Variants in RYR2 observed in about 807,000 individuals in gnomAD.
RYR2 encodes the protein cardiac muscle ryanodine receptor-calcium release channel.
A neutral mutation model predicts 601.1 loss-of-function variants in RYR2; 227 were observed. The observed-to-expected ratio is 0.38, with a 90% CI of 0.34 to 0.42. RYR2 has a LOEUF of 0.42. RYR2 is among the 10% of genes least tolerant of loss of function. RYR2 has a pLI of 1.00. For missense variants in RYR2, 4,646 were observed against 6,156.5 expected (o/e 0.75, Z 8.21); for synonymous variants, 2,223 against 2,175.1 (o/e 1.02, Z -0.61).
At chr1:237,812,163 G>A (rs1488781644) in intron 100 of RYR2, among the ~76,000 whole-genome samples, 1 of 152,096 alleles carries the variant, frequency 6.6e-6, no homozygotes, top group Non-Finnish European at 1.5e-5. Context: ...AAGAGTTTGA[G>A]TAACTTGTCA....
At chr1:237,685,882 T>A (rs962971648) in intron 62 of RYR2, among the ~76,000 whole-genome samples, 1 of 152,100 alleles carries the variant, frequency 6.6e-6, no homozygotes, top group African/African-American at 2.4e-5. Context: ...AACCTCAGAT[T>A]CACTCAGACA....
intron 1 of RYR2, among the ~76,000 whole-genome samples, chr1:237,244,951 T>C (rs1686647614): frequency 6.6e-6 from 1 of 152,212 alleles, no homozygotes; most frequent in Non-Finnish European, 1.5e-5. Context: ...TCACTCACTG[T>C]TTTTATGCTT....
chr1:237,326,782 A>G (rs1160679059), intron 2 of RYR2, among the ~76,000 whole-genome samples: 1 of 151,978 alleles, frequency 6.6e-6, no homozygotes, highest in Non-Finnish European at 1.5e-5. Context: ...GGGAGCCTCT[A>G]CTCCCCATGT....
At chr1:237,229,096 C>T (rs1214476630) in intron 1 of RYR2, among the ~76,000 whole-genome samples, 1 of 151,010 alleles carries the variant, frequency 6.6e-6, no homozygotes, top group Non-Finnish European at 1.5e-5. Flanking sequence ...GGAGAGACTG[C>T]AGACCTAGCC....
Position 237,330,934 on chromosome 1 carries a change from C to T in RYR2, c.225C>T (p.Val75=). The change falls in exon 3 of 105, where the codon GTC becomes GTT. Residue 75 remains valine (V), a synonymous_variant. Transcript: ENST00000366574. The part of the protein sequence containing the change: ...CTFVLEQSLS[V]RALQEMLANT... ...TTGTGCTGGAGCAGTCCCTCTCTGT[C>T]CGGGCGCTGCAGGAGATGCTGGCTA... The T allele has an allele frequency of 1.9e-6, 3 of 1,614,036 alleles. No homozygotes were observed. The South Asian group carries it at 3.3e-5, about 18-fold the overall frequency.
intron 76 of RYR2, among the ~76,000 whole-genome samples, chr1:237,728,807 G>A (rs1004401904): frequency 2.0e-5 from 3 of 151,920 alleles, no homozygotes. Context: ...ATGGGAGGGA[G>A]AGTATTAAGA....
chr1:237,696,502 G>GTA (rs1687449206), intron 63 of RYR2, among the ~76,000 whole-genome samples: 1 of 148,086 alleles, frequency 6.8e-6, no homozygotes, highest in Admixed American at 6.8e-5. Context: ...ATGCCCAAGT[G>GTA]TATAGCTCTG....
chr1:237,819,025 C>A lies in RYR2; in HGVS notation c.14434-11C>A. 1 of 1,602,080 alleles carries A rather than the reference C, an allele frequency of 6.2e-7. No homozygotes were observed. The highest frequency in any genetic ancestry group is 1.7e-5 in the Admixed American group (1 of 59,528). ...GTCCCTCCAAGAAGTGATACCATGTCTTTTTTCCAGTGCTATATGTTCCAC... is the reference window on the plus strand; with the variant it reads ...GTCCCTCCAAGAAGTGATACCATGTATTTTTTCCAGTGCTATATGTTCCAC... On this transcript the variant is annotated splice_polypyrimidine_tract_variant and intron_variant, in intron 100 of 104. Coordinates refer to ENST00000366574, the MANE Select transcript of RYR2 (RefSeq NM_001035.3). The surrounding 1 kb of genome is among the most constrained non-coding windows in gnomAD (Gnocchi z 4.0).
intron 16 of RYR2, among the ~76,000 whole-genome samples, chr1:237,458,815 T>G (rs1558854492): frequency 6.6e-6 from 1 of 152,178 alleles, no homozygotes; most frequent in Non-Finnish European, 1.5e-5. Flanking sequence ...CTTTACAATC[T>G]AATTAAATGT....
At chr1:237,702,494 A>G (rs57887440) in intron 66 of RYR2, among the ~76,000 whole-genome samples, 6,397 of 152,244 alleles carry the variant, frequency 0.042, 435 homozygotes, top group African/African-American at 0.14. Flanking sequence ...AGGTATCCCC[A>G]GTAAATTTAA....
At position 237,402,363 on chromosome 1, in the gene RYR2, G is replaced by C. The variant is rs181882951; in HGVS notation, c.773+14180G>C. Among the ~76,000 whole-genome samples the C allele has an allele frequency of 1.0e-3, 158 of 151,126 alleles. 1 individual carries two copies. Among genetic ancestry groups the C allele is most frequent in the African/African-American group, 3.6e-3 (149 of 41,164 alleles). On this transcript the variant is annotated intron_variant, in intron 10 of 104. Coordinates refer to ENST00000366574, the MANE Select transcript of RYR2 (RefSeq NM_001035.3). ...GATTGTGTCACTGCACTCCAGTCTG[G>C]GTGGCAGAGCAAGACCCTATCTCTT...
chr1:237,299,127 C>CTTTTT (rs3086046), intron 2 of RYR2, among the ~76,000 whole-genome samples: 4,117 of 145,390 alleles, frequency 0.028, 78 homozygotes, highest in African/African-American at 0.037. Flanking sequence ...TTCCTAGAGT[C>CTTTTT]TTTTTTTTTT....
chr1:237,657,555 T>C (rs943672598), intron 53 of RYR2, among the ~76,000 whole-genome samples: 7 of 151,884 alleles, frequency 4.6e-5, no homozygotes, highest in African/African-American at 1.7e-4. Flanking sequence ...TTGTGGACCA[T>C]GTATATTTAA....
chr1:237,728,626 C>T (rs1221377094), intron 76 of RYR2, among the ~76,000 whole-genome samples: 1 of 152,048 alleles, frequency 6.6e-6, no homozygotes, highest in African/African-American at 2.4e-5. Flanking sequence ...GAGTTCATGT[C>T]CCTTGCAGGG....
At chr1:237,828,084 G>T (rs894050569) in intron 101 of RYR2, among the ~76,000 whole-genome samples, 20 of 151,930 alleles carry the variant, frequency 1.3e-4, no homozygotes, top group African/African-American at 4.1e-4. Flanking sequence ...TTTTCGGCAT[G>T]AAGTATGTAA....
chr1:237,684,943 A>AG (rs1194650312), intron 62 of RYR2, among the ~76,000 whole-genome samples: 1 of 151,570 alleles, frequency 6.6e-6, no homozygotes, highest in Non-Finnish European at 1.5e-5. Flanking sequence ...AGAAAAAAAA[A>AG]AATACTGTAA....
intron 103 of RYR2, among the ~76,000 whole-genome samples, 167 bp downstream of exon 103, chr1:237,830,797 T>TTGAC (rs1400385493): frequency 3.9e-5 from 6 of 152,204 alleles, no homozygotes; most frequent in African/African-American, 1.4e-4. Context: ...CTGGAGTAGG[T>TTGAC]TGACTTAAGA....
intron 38 of RYR2, among the ~76,000 whole-genome samples, chr1:237,621,878 A>G (rs1334241068): frequency 6.6e-6 from 1 of 152,164 alleles, no homozygotes; most frequent in Non-Finnish European, 1.5e-5. Context: ...CGACTTAAGG[A>G]TGAGGGGCAG....
intron 17 of RYR2, among the ~76,000 whole-genome samples, chr1:237,488,612 G>T (rs1465153379): frequency 1.3e-5 from 2 of 152,180 alleles, no homozygotes; most frequent in African/African-American, 4.8e-5. Flanking sequence ...CACAAAGGAA[G>T]TGAAAATAGC....
Sources: allele counts gnomAD v4.1 joint callset (sites outside exome capture counted in the v4.1 genomes callset), GRCh38; gene constraint gnomAD v4.1.1; non-coding constraint Gnocchi (gnomAD v3.1); transcripts MANE v1.5; gene names NCBI Gene and HGNC (gene_info 2026-07-23, HGNC 2026-07-21).